Variants in NRG3 observed in about 807,000 individuals in gnomAD.
The protein encoded by NRG3 is pro-neuregulin-3, membrane-bound isoform.
NRG3 carries 31 observed loss-of-function variants against 66.9 expected under a neutral mutation model. That is an observed-to-expected ratio of 0.46 (90% CI 0.35 to 0.63). The LOEUF (loss-of-function observed/expected upper bound fraction) is 0.63. NRG3 is among the 20% of genes least tolerant of loss of function. NRG3 has a pLI of 0.00. For synonymous variants in NRG3, 393 were observed against 359.4 expected (o/e 1.09, Z -1.06); for missense variants, 910 against 878.9 (o/e 1.04, Z -0.45).
chr10:82,653,248 A>G (rs912166231), intron 2 of NRG3, among the ~76,000 whole-genome samples: 39 of 152,206 alleles, frequency 2.6e-4, no homozygotes, highest in African/African-American at 9.4e-4. Flanking sequence ...TGGAATCAGT[A>G]AGTAAAGAAA....
intron 1 of NRG3, among the ~76,000 whole-genome samples, chr10:81,956,094 A>G (rs562229701): frequency 6.6e-6 from 1 of 152,288 alleles, no homozygotes. Flanking sequence ...TATTCATCCT[A>G]TGAGAGTTGG....
chr10:82,153,795 G>A (rs538063032), intron 1 of NRG3, among the ~76,000 whole-genome samples: 1 of 151,756 alleles, frequency 6.6e-6, no homozygotes, highest in Non-Finnish European at 1.5e-5. Flanking sequence ...GTTTTAATTT[G>A]TATTTCCCTG....
chr10:81,931,431 C>G (rs1847340145), intron 1 of NRG3, among the ~76,000 whole-genome samples: 2 of 152,132 alleles, frequency 1.3e-5, no homozygotes, highest in East Asian at 1.9e-4. Context: ...ACTTAGAAGT[C>G]TTGAAAGAGA....
intron 4 of NRG3, among the ~76,000 whole-genome samples, chr10:82,921,871 T>C (rs1344113085): frequency 6.6e-6 from 1 of 152,108 alleles, no homozygotes; most frequent in Admixed American, 6.6e-5. Context: ...GCTGATGATG[T>C]AGGTTTGTGT....
intron 1 of NRG3, among the ~76,000 whole-genome samples, chr10:81,966,210 C>T (rs1204250107): frequency 6.6e-6 from 1 of 151,118 alleles, no homozygotes; most frequent in East Asian, 1.9e-4. Context: ...ACTCTTTATC[C>T]CTGAATTTCT....
chr10:82,269,543 G>A (rs190800178), intron 1 of NRG3, among the ~76,000 whole-genome samples: 84 of 152,150 alleles, frequency 5.5e-4, no homozygotes, highest in African/African-American at 2.0e-3. Context: ...AAGCCCTGTG[G>A]TAACCCAGAG....
At chr10:82,291,148 G>A (rs1398589020) in intron 1 of NRG3, among the ~76,000 whole-genome samples, 2 of 148,920 alleles carry the variant, frequency 1.3e-5, no homozygotes, top group Non-Finnish European at 3.0e-5. Flanking sequence ...TAGAGTACAA[G>A]ATTAACAACA....
chr10:82,614,993 C>T (rs781157856), intron 2 of NRG3, among the ~76,000 whole-genome samples: 1 of 151,892 alleles, frequency 6.6e-6, no homozygotes, highest in Non-Finnish European at 1.5e-5. Context: ...ATTGATAAAA[C>T]GGGTGGTATC....
chr10:82,180,125 G>A (rs2073312896), intron 1 of NRG3, among the ~76,000 whole-genome samples: 1 of 151,470 alleles, frequency 6.6e-6, no homozygotes, highest in African/African-American at 2.4e-5. Flanking sequence ...TATTAGTTCT[G>A]ACAGGTTTTT....
intron 1 of NRG3, among the ~76,000 whole-genome samples, chr10:82,172,614 A>G (rs975035323): frequency 1.2e-4 from 19 of 152,092 alleles, no homozygotes; most frequent in Admixed American, 6.6e-5. Context: ...TATATATGAA[A>G]ACAGAGATCA....
intron 2 of NRG3, among the ~76,000 whole-genome samples, chr10:82,395,922 G>C (rs945362609): frequency 7.9e-5 from 12 of 152,156 alleles, no homozygotes; most frequent in South Asian, 2.1e-4. Flanking sequence ...TAAAAAAATA[G>C]AAAGACTAAT....
chr10:82,707,945 C>T (rs925046796), intron 2 of NRG3, among the ~76,000 whole-genome samples: 2 of 150,810 alleles, frequency 1.3e-5, no homozygotes, highest in Non-Finnish European at 2.9e-5. Context: ...TTGCTTGAAC[C>T]TAGGAGGCAG....
chr10:82,628,393 G>A (rs1056352838), intron 2 of NRG3, among the ~76,000 whole-genome samples: 15 of 152,052 alleles, frequency 9.9e-5, no homozygotes, highest in Admixed American at 2.6e-4. Context: ...GGGCTTAGCT[G>A]CAGCCGTGGA....
chr10:82,026,572 G>C (rs982044359), intron 1 of NRG3, among the ~76,000 whole-genome samples: 12 of 151,868 alleles, frequency 7.9e-5, no homozygotes, highest in Non-Finnish European at 1.5e-4. Context: ...TTTTGGTAAT[G>C]TATTTTTATG....
At chr10:81,888,846 G>C (rs1286453561) in intron 1 of NRG3, among the ~76,000 whole-genome samples, 5 of 152,224 alleles carry the variant, frequency 3.3e-5, no homozygotes, top group African/African-American at 1.2e-4. Context: ...GAAGGTGCGA[G>C]GTTTCCAGGA....
intron 2 of NRG3, among the ~76,000 whole-genome samples, chr10:82,638,503 C>G (rs1453028435): frequency 6.6e-6 from 1 of 151,976 alleles, no homozygotes; most frequent in Non-Finnish European, 1.5e-5. Flanking sequence ...ACCTGGAGGC[C>G]GAAATGAATT....
At chr10:82,456,723 A>T (rs1376844173) in intron 2 of NRG3, among the ~76,000 whole-genome samples, 4 of 152,298 alleles carry the variant, frequency 2.6e-5, no homozygotes, top group Non-Finnish European at 4.4e-5. Flanking sequence ...CAAAATTGTG[A>T]CATTAAAAAA....
chr10:82,470,345 C>T (rs1388257917), intron 2 of NRG3, among the ~76,000 whole-genome samples: 1 of 152,210 alleles, frequency 6.6e-6, no homozygotes, highest in Non-Finnish European at 1.5e-5. Flanking sequence ...TAACTTCACA[C>T]AAGTGGCTGA....
intron 2 of NRG3, among the ~76,000 whole-genome samples, chr10:82,492,428 G>A (rs1338080747): frequency 6.6e-6 from 1 of 152,162 alleles, no homozygotes; most frequent in Admixed American, 6.5e-5. Flanking sequence ...ACTCTCTGGT[G>A]ATTTTTTTAG....
Sources: gnomAD v4.1 joint callset for allele counts (sites outside exome capture counted in the v4.1 genomes callset) on GRCh38, gnomAD v4.1.1 for gene constraint, MANE v1.5 for transcripts, NCBI Gene and HGNC (gene_info 2026-07-23, HGNC 2026-07-21) for gene names.